The following CYFIP2 variants were observed in gnomAD, a reference collection of about 807,000 sequenced individuals.
The protein encoded by CYFIP2 is cytoplasmic FMR1-interacting protein 2.
CYFIP2 carries 29 observed loss-of-function variants against 158.7 expected under a neutral mutation model. That is an observed-to-expected ratio of 0.18 (90% CI 0.14 to 0.25). The LOEUF is 0.25. Ranked by LOEUF, CYFIP2 falls within the 10% of genes least tolerant of loss-of-function variation. The pLI is 1.00. For synonymous variants in CYFIP2, 585 were observed against 617.6 expected (o/e 0.95, Z 0.78); for missense variants, 852 against 1,639.5 (o/e 0.52, Z 8.29).
At chr5:157,340,820 G>T (rs7704145) in intron 22 of CYFIP2, among the ~76,000 whole-genome samples, 70,641 of 152,026 alleles carry the variant, frequency 0.46, 18,251 homozygotes, top group African/African-American at 0.71. Flanking sequence ...AGTGTCATTC[G>T]GAGCAGCCAC....
At chr5:157,338,499 G>GTTTCCA (rs1762015924) in intron 21 of CYFIP2, among the ~76,000 whole-genome samples, 2 of 152,342 alleles carry the variant, frequency 1.3e-5, no homozygotes, top group South Asian at 2.1e-4. Flanking sequence ...CAAAGCCTCG[G>GTTTCCA]TTTCCATATG....
chr5:157,321,855 G>A (rs1760621305), intron 15 of CYFIP2, among the ~76,000 whole-genome samples: 1 of 152,230 alleles, frequency 6.6e-6, no homozygotes, highest in African/African-American at 2.4e-5. Flanking sequence ...ACGCCCCAAG[G>A]AAGCGTCTGC....
At chr5:157,304,787 T>C (rs56043306) in intron 8 of CYFIP2, 1,551 of 154,462 alleles carry the variant, frequency 0.01, 32 homozygotes, top group African/African-American at 0.035. Flanking sequence ...TCAATAGTTT[T>C]TGGGGAAGCA....
At position 157,338,943 on chromosome 5, in the gene CYFIP2, C is replaced by T. The variant is rs28744371; in HGVS notation, c.2386-114C>T. ...GGGTCCTAGTTCCCATGTAGATGGC[C>T]AGGAGGTTGTCTGAGCAGCTGTCAC... On this transcript the variant is annotated intron_variant, in intron 21 of 30. Coordinates refer to ENST00000620254, the MANE Select transcript of CYFIP2 (RefSeq NM_001037333.3). 1.4e-4 allele frequency: 150 copies of T among 1,034,964 alleles called. No individual in the cohort carries two copies. In the African/African-American group the frequency reaches 2.3e-3, roughly 16 times the overall value. The allele number at this position is 1,034,964 out of a possible 1,614,324, so 64.1% of individuals were successfully genotyped here.
intron 26 of CYFIP2, among the ~76,000 whole-genome samples, chr5:157,379,434 G>A (rs1765815757): frequency 6.6e-6 from 1 of 151,576 alleles, no homozygotes; most frequent in Non-Finnish European, 1.5e-5. Context: ...AAGCTGAATA[G>A]TGCTGTATCT....
intron 26 of CYFIP2, 103 bp from the exon 27 acceptor site, chr5:157,382,487 A>G (rs1412447907): frequency 8.2e-7 from 1 of 1,225,294 alleles, no homozygotes; most frequent in East Asian, 2.5e-5. Flanking sequence ...CCAGGATTTG[A>G]ACCCAGGTCT....
At chr5:157,381,693 T>C (rs1255909553) in intron 26 of CYFIP2, among the ~76,000 whole-genome samples, 2 of 152,210 alleles carry the variant, frequency 1.3e-5, no homozygotes, top group Non-Finnish European at 2.9e-5. Context: ...GGGGCTCCCC[T>C]CTTGAACAGC....
At chr5:157,320,558 G>A in intron 14 of CYFIP2, 97 bp from the exon 15 acceptor site, 1 of 1,481,136 alleles carries the variant, frequency 6.8e-7, no homozygotes, top group Non-Finnish European at 9.2e-7. Context: ...TTCAAATGTG[G>A]GTGTTCCTGG....
At chr5:157,351,332 T>G (rs1432327405) in intron 23 of CYFIP2, among the ~76,000 whole-genome samples, 1 of 152,218 alleles carries the variant, frequency 6.6e-6, no homozygotes, top group African/African-American at 2.4e-5. Context: ...TGAGCAAAGT[T>G]TACACCCTGA....
intron 1 of CYFIP2, among the ~76,000 whole-genome samples, chr5:157,272,917 A>G (rs775132451): frequency 4.6e-5 from 7 of 152,100 alleles, no homozygotes; most frequent in Non-Finnish European, 8.8e-5. Context: ...CCCAAGCTGG[A>G]GTGCAGTGGC....
At chr5:157,278,364 G>A (rs1756727088) in intron 1 of CYFIP2, among the ~76,000 whole-genome samples, 2 of 152,078 alleles carry the variant, frequency 1.3e-5, no homozygotes, top group South Asian at 2.1e-4. Context: ...TGCCAGAGTT[G>A]TGTTCTTCTT....
chr5:157,359,713 G>A (rs1763671234), intron 24 of CYFIP2, among the ~76,000 whole-genome samples: 5 of 152,200 alleles, frequency 3.3e-5, no homozygotes, highest in Admixed American at 2.6e-4. Context: ...ACTGCTGAAG[G>A]CCAAAACATT....
chr5:157,330,913 C>G (rs1761406965), intron 20 of CYFIP2, 63 bp downstream of exon 20: 2 of 1,305,764 alleles, frequency 1.5e-6, no homozygotes, highest in East Asian at 4.6e-5. Context: ...GCGAAGTTAG[C>G]ATAGAGATCA....
intron 3 of CYFIP2, among the ~76,000 whole-genome samples, chr5:157,292,647 G>C (rs763905059): frequency 3.3e-5 from 5 of 152,144 alleles, no homozygotes; most frequent in African/African-American, 9.7e-5. Context: ...ATGGACATTC[G>C]AGTTATTGGG....
At chr5:157,312,419 C>G (rs957400314) in intron 11 of CYFIP2, among the ~76,000 whole-genome samples, 2 of 151,726 alleles carry the variant, frequency 1.3e-5, no homozygotes, top group Non-Finnish European at 2.9e-5. Context: ...AAAATCCTAC[C>G]ATCCCAGAAC....
At chr5:157,300,209 C>A (rs1365297700) in intron 5 of CYFIP2, among the ~76,000 whole-genome samples, 1 of 152,102 alleles carries the variant, frequency 6.6e-6, no homozygotes, top group Non-Finnish European at 1.5e-5. Flanking sequence ...GTTTGAGTCA[C>A]ATAGAGGCAG....
chr5:157,355,741 A>G (rs1763366474), intron 23 of CYFIP2, among the ~76,000 whole-genome samples: 1 of 152,218 alleles, frequency 6.6e-6, no homozygotes, highest in Non-Finnish European at 1.5e-5. Context: ...ATATTTGAAA[A>G]GGGGACAAAC....
chr5:157,392,442 G>T (rs543128628), intron 30 of CYFIP2, among the ~76,000 whole-genome samples: 2 of 152,198 alleles, frequency 1.3e-5, no homozygotes, highest in South Asian at 4.2e-4. Context: ...TTTTGTGTGG[G>T]TATCCATATT....
chr5:157,392,679 A>G (rs1767429380), intron 30 of CYFIP2, among the ~76,000 whole-genome samples, 154 bp from the exon 31 acceptor site: 1 of 152,130 alleles, frequency 6.6e-6, no homozygotes, highest in South Asian at 2.1e-4. Context: ...TTAACACTTG[A>G]TTGCCAGATC....
Sources: gnomAD v4.1 joint callset for allele counts (sites outside exome capture counted in the v4.1 genomes callset) on GRCh38, gnomAD v4.1.1 for gene constraint, MANE v1.5 for transcripts, NCBI Gene and HGNC (gene_info 2026-07-23, HGNC 2026-07-21) for gene names.